TBCK: variants seen among roughly 807,000 people sequenced by gnomAD.
TBCK encodes TBC domain-containing protein kinase-like protein.
Under a neutral mutation model 113.4 loss-of-function variants are expected in TBCK, and 99 were observed. The observed-to-expected ratio is 0.87, with a 90% CI of 0.74 to 1.03. TBCK has a LOEUF of 1.03. Among genes scored for constraint, TBCK ranks in the 50% least tolerant of loss-of-function variants. The pLI is 0.00. For missense variants in TBCK, 1,045 were observed against 1,061.3 expected, an observed-to-expected ratio of 0.98 and a Z score of 0.21; for synonymous variants, 369 against 370.8, an observed-to-expected ratio of 1.00 and a Z score of 0.05.
At chr4:106,164,016 G>A (rs1750091422) in intron 23 of TBCK, among the ~76,000 whole-genome samples, 3 of 151,992 alleles carry the variant, frequency 2.0e-5, no homozygotes. Flanking sequence ...TGGGCCAATG[G>A]TAGAATAAGA....
At chr4:106,070,676 T>G (rs181010261) in intron 25 of TBCK, among the ~76,000 whole-genome samples, 2 of 152,062 alleles carry the variant, frequency 1.3e-5, no homozygotes, top group Admixed American at 1.3e-4. Flanking sequence ...TTAGGGAGGA[T>G]TCCCCCTTTT....
chr4:106,306,226 T>C (rs1259746869), intron 2 of TBCK, among the ~76,000 whole-genome samples: 4 of 148,558 alleles, frequency 2.7e-5, no homozygotes, highest in African/African-American at 7.4e-5. Flanking sequence ...CAAGACACCA[T>C]GCCTGGCTAA....
chr4:106,128,911 A>G (rs1389495739), intron 23 of TBCK, among the ~76,000 whole-genome samples: 2 of 152,188 alleles, frequency 1.3e-5, no homozygotes, highest in Non-Finnish European at 2.9e-5. Context: ...CAAAAGATTA[A>G]TTGGATATAA....
intron 20 of TBCK, among the ~76,000 whole-genome samples, chr4:106,201,183 T>A (rs1366909875): frequency 2.0e-5 from 3 of 151,982 alleles, no homozygotes; most frequent in Non-Finnish European, 4.4e-5. Context: ...AGTTATCTCT[T>A]ACCAATTAAG....
intron 23 of TBCK, among the ~76,000 whole-genome samples, chr4:106,125,973 G>T (rs1745160821): frequency 1.3e-5 from 2 of 152,156 alleles, no homozygotes; most frequent in Non-Finnish European, 2.9e-5. Flanking sequence ...AATGGCGTCT[G>T]GCAAGATATG....
chr4:106,154,215 T>G (rs953016258), intron 23 of TBCK, among the ~76,000 whole-genome samples: 2 of 152,142 alleles, frequency 1.3e-5, no homozygotes, highest in African/African-American at 4.8e-5. Flanking sequence ...ATTTTTTATG[T>G]ATCTGTGGTG....
intron 1 of TBCK, among the ~76,000 whole-genome samples, chr4:106,315,362 G>A (rs1768690741): frequency 6.6e-6 from 1 of 152,172 alleles, no homozygotes; most frequent in Non-Finnish European, 1.5e-5. Flanking sequence ...TAGGGCAAAA[G>A]ACGCCGATTT....
chr4:106,154,177 C>G (rs1470439652), intron 23 of TBCK, among the ~76,000 whole-genome samples: 1 of 151,890 alleles, frequency 6.6e-6, no homozygotes, highest in East Asian at 1.9e-4. Context: ...AGGGGATTTT[C>G]TATTGTGATA....
At chr4:106,178,616 T>A (rs1751967903) in intron 22 of TBCK, among the ~76,000 whole-genome samples, 1 of 152,052 alleles carries the variant, frequency 6.6e-6, no homozygotes. Context: ...TGTAGCATGT[T>A]TATTGATTTG....
intron 23 of TBCK, among the ~76,000 whole-genome samples, chr4:106,149,612 T>G (rs1336153763): frequency 6.6e-6 from 1 of 152,206 alleles, no homozygotes; most frequent in African/African-American, 2.4e-5. Context: ...GCTCCGTTTG[T>G]GGTGCACCAA....
At chr4:106,219,333 C>T (rs1236460567) in intron 19 of TBCK, among the ~76,000 whole-genome samples, 1 of 149,860 alleles carries the variant, frequency 6.7e-6, no homozygotes, top group Admixed American at 6.6e-5. Flanking sequence ...AACTAACCCG[C>T]ACAATGTGCA....
At chr4:106,109,008 G>GACACACAC (rs1217614549) in intron 24 of TBCK, among the ~76,000 whole-genome samples, 1 of 136,256 alleles carries the variant, frequency 7.3e-6, no homozygotes, top group East Asian at 2.1e-4. Context: ...ATTCACAACT[G>GACACACAC]ACACACACAT....
chr4:106,089,876 T>C (rs1364347911), intron 25 of TBCK, among the ~76,000 whole-genome samples: 1 of 152,244 alleles, frequency 6.6e-6, no homozygotes, highest in East Asian at 1.9e-4. Context: ...GCAGCCCTCA[T>C]GGCTGCTGTC....
chr4:106,231,695 G>A (rs189352827), intron 18 of TBCK, 34 bp downstream of exon 18: 16 of 1,571,828 alleles, frequency 1.0e-5, no homozygotes, highest in Non-Finnish European at 1.4e-5. Flanking sequence ...AGAATATTAT[G>A]CGCAATGATT....
At chr4:106,095,353 C>T (rs1740775209) in intron 25 of TBCK, 129 bp downstream of exon 25, 4 of 789,904 alleles carry the variant, frequency 5.1e-6, no homozygotes, top group Non-Finnish European at 7.4e-6. Context: ...TATAAGAACA[C>T]AGACAAATCT....
intron 25 of TBCK, among the ~76,000 whole-genome samples, chr4:106,058,319 T>C (rs924472553): frequency 6.6e-6 from 1 of 151,720 alleles, no homozygotes; most frequent in African/African-American, 2.4e-5. Context: ...AAGTTGCCCA[T>C]CCCTTCCTTT....
At chr4:106,233,246 TG>T (rs774436976) in intron 16 of TBCK, among the ~76,000 whole-genome samples, 182 bp from the exon 17 acceptor site, 2 of 152,034 alleles carry the variant, frequency 1.3e-5, no homozygotes, top group Non-Finnish European at 2.9e-5. Context: ...CTAAAGAAGT[TG>T]TATGTATACC....
chr4:106,051,457 G>T (rs1734804147), intron 25 of TBCK, among the ~76,000 whole-genome samples: 1 of 151,796 alleles, frequency 6.6e-6, no homozygotes, highest in Non-Finnish European at 1.5e-5. Context: ...TACATTTGGG[G>T]TATGAAAATT....
At position 106,191,302 on chromosome 4, in the gene TBCK, C is replaced by T. The variant is rs570144146; in HGVS notation, c.2059+2307G>A. 5.3e-5 allele frequency among the ~76,000 whole-genome samples: 8 copies of T among 152,076 alleles called. 1 individual carries two copies. Among genetic ancestry groups the T allele is most frequent in the Non-Finnish European group, 1.0e-4 (7 of 68,014 alleles). On this transcript the variant is annotated intron_variant, in intron 22 of 25. Coordinates refer to ENST00000394708, the MANE Select transcript of TBCK (RefSeq NM_001163435.3). ...TCCTGAAACCAATCCCCCATCGATACCGGGGGATGACTGAACTTGTATTTC... is the reference window on the plus strand; with the variant it reads ...TCCTGAAACCAATCCCCCATCGATATCGGGGGATGACTGAACTTGTATTTC...
Sources: gnomAD v4.1 joint callset for allele counts (sites outside exome capture counted in the v4.1 genomes callset) on GRCh38, gnomAD v4.1.1 for gene constraint, MANE v1.5 for transcripts, NCBI Gene and HGNC (gene_info 2026-07-23, HGNC 2026-07-21) for gene names.